The following RREB1 variants were observed in gnomAD, a reference collection of about 807,000 sequenced individuals.
RREB1 encodes the protein ras-responsive element-binding protein 1.
In RREB1, 27 loss-of-function variants were observed where a neutral mutation model predicts 117.8. The observed-to-expected ratio is 0.23, with a 90% confidence interval of 0.17 to 0.32. RREB1 has a LOEUF of 0.32. Among genes scored for constraint, RREB1 ranks in the 10% least tolerant of loss-of-function variants. RREB1 has a pLI of 1.00. For missense variants in RREB1, 2,577 were observed against 2,378.2 expected (o/e 1.08, Z -1.74); for synonymous variants, 1,298 against 1,026.7 (o/e 1.26, Z -5.05).
At chr6:7,226,418 T>C (rs1165904585) in intron 8 of RREB1, 49 bp from the exon 9 acceptor site, 2 of 1,425,906 alleles carry the variant, frequency 1.4e-6, no homozygotes, top group Admixed American at 4.2e-5. Context: ...AACTGCTTCC[T>C]CATATGCTCT....
intron 1 of RREB1, among the ~76,000 whole-genome samples, chr6:7,151,026 C>T (rs1002764440): frequency 3.3e-5 from 5 of 152,134 alleles, no homozygotes; most frequent in Admixed American, 6.5e-5. Flanking sequence ...CTCATCCGTG[C>T]GGCTGGAGGC....
At chr6:7,211,458 T>A (rs1766599458) in intron 7 of RREB1, 115 bp from the exon 8 acceptor site, 1 of 920,336 alleles carries the variant, frequency 1.1e-6, no homozygotes, top group East Asian at 2.4e-5. Context: ...CAGGATTGGA[T>A]AATGCAACCC....
At chr6:7,118,429 G>A (rs1377485149) in intron 1 of RREB1, among the ~76,000 whole-genome samples, 1 of 152,030 alleles carries the variant, frequency 6.6e-6, no homozygotes, top group East Asian at 1.9e-4. Flanking sequence ...CCAGAAAATA[G>A]GTTATTTTAA....
At chr6:7,209,752 A>G (rs1766480343) in intron 6 of RREB1, among the ~76,000 whole-genome samples, 2 of 152,124 alleles carry the variant, frequency 1.3e-5, no homozygotes. Context: ...GTACAGCTAA[A>G]AAGAGAGCAG....
intron 1 of RREB1, among the ~76,000 whole-genome samples, chr6:7,126,609 G>A (rs1761945377): frequency 6.6e-6 from 1 of 152,194 alleles, no homozygotes; most frequent in Non-Finnish European, 1.5e-5. Context: ...CGTCTTGTGT[G>A]CTACCAGCTC....
chr6:7,151,917 A>G (rs963609982), intron 1 of RREB1, among the ~76,000 whole-genome samples: 20 of 152,248 alleles, frequency 1.3e-4, no homozygotes, highest in Admixed American at 1.2e-3. Flanking sequence ...GAACAGGACT[A>G]TGGGGGAGAA....
At chr6:7,150,672 A>C (rs1763077630) in intron 1 of RREB1, among the ~76,000 whole-genome samples, 1 of 152,228 alleles carries the variant, frequency 6.6e-6, no homozygotes, top group Non-Finnish European at 1.5e-5. Context: ...ATGGAAAAGT[A>C]AGAAAAACCA....
chr6:7,127,833 C>G (rs901571144), intron 1 of RREB1, among the ~76,000 whole-genome samples: 6 of 152,114 alleles, frequency 3.9e-5, no homozygotes, highest in Non-Finnish European at 8.8e-5. Flanking sequence ...GTGCCCTCAT[C>G]TGGGTCACGA....
intron 2 of RREB1, among the ~76,000 whole-genome samples, chr6:7,177,879 C>G (rs949767573): frequency 6.6e-6 from 1 of 152,096 alleles, no homozygotes; most frequent in Non-Finnish European, 1.5e-5. Context: ...TGTGCCACCA[C>G]GCCCAGCTAA....
chr6:7,234,048 A>G (rs1768159601), intron 10 of RREB1, among the ~76,000 whole-genome samples: 2 of 152,186 alleles, frequency 1.3e-5, no homozygotes, highest in Admixed American at 1.3e-4. Flanking sequence ...GTGCCTATCC[A>G]GGGAGGACTC....
intron 11 of RREB1, among the ~76,000 whole-genome samples, chr6:7,244,173 G>A (rs1320137999): frequency 1.3e-5 from 2 of 151,448 alleles, no homozygotes; most frequent in Admixed American, 6.6e-5. Context: ...TGAGACAGGA[G>A]AATCGCCTGA....
intron 1 of RREB1, among the ~76,000 whole-genome samples, chr6:7,176,137 G>T (rs1006768894): frequency 1.3e-5 from 2 of 152,142 alleles, no homozygotes; most frequent in Admixed American, 1.3e-4. Flanking sequence ...GGCTGGTCTC[G>T]AACTCCTGAG....
chr6:7,182,001 C>T lies in RREB1; in HGVS notation c.90C>T (p.Val30=), dbSNP rs779363719. ...CGGCGGTCATGAGTGTAGGGAAGGT[C>T]ACAGAGAATGGCGGGAGCCCCCAGG... ...MMSAVMSVGK[V]TENGGSPQGI... Residue 30 remains valine, a synonymous_variant, in exon 4 of 13, where the codon GTC becomes GTT. Transcript: ENST00000379938. 4 of 1,613,884 alleles carry T rather than the reference C, an allele frequency of 2.5e-6. No individual in the cohort carries two copies. The highest frequency in any genetic ancestry group is 1.3e-5 in the African/African-American group (1 of 74,966).
chr6:7,143,707 G>A (rs1040929845), intron 1 of RREB1, among the ~76,000 whole-genome samples: 3 of 152,158 alleles, frequency 2.0e-5, no homozygotes, highest in African/African-American at 4.8e-5. Context: ...TTCGGGTGCA[G>A]ACTTTACAGC....
In RREB1 at chr6:7,230,427, C is replaced by T. The variant is rs2113112836; in HGVS notation, c.2328C>T (p.Cys776=). The T allele has an allele frequency of 2.5e-6, 4 of 1,590,264 alleles. No homozygotes were observed. Among genetic ancestry groups the T allele is most frequent in the South Asian group, 1.1e-5 (1 of 90,206 alleles). ...TGCGCATCCACATGCGCACGCACTG[C>T]GGCCGCGGCCTGGGCGGGGGCCACA... ...RALRIHMRTH[C]GRGLGGGHKG... is the part of the protein sequence containing the mutation. Residue 776 remains cysteine, a synonymous_variant, in exon 10 of 13, where the codon TGC becomes TGT. Coordinates refer to ENST00000379938, the MANE Select transcript of RREB1 (RefSeq NM_001003699.4).
At chr6:7,152,750 C>T (rs1305109460) in intron 1 of RREB1, among the ~76,000 whole-genome samples, 4 of 152,204 alleles carry the variant, frequency 2.6e-5, no homozygotes, top group Non-Finnish European at 4.4e-5. Flanking sequence ...GCAGAAGTCA[C>T]TGAGCTCCTT....
chr6:7,152,008 C>T (rs947291600), intron 1 of RREB1, among the ~76,000 whole-genome samples: 13 of 152,214 alleles, frequency 8.5e-5, no homozygotes, highest in African/African-American at 3.1e-4. Flanking sequence ...TGGATATTCT[C>T]ACTATATTTC....
chr6:7,109,110 CCGCCGCCCAGCTGTGGAG>C (rs1171806323), intron 1 of RREB1, among the ~76,000 whole-genome samples: 1 of 151,696 alleles, frequency 6.6e-6, no homozygotes, highest in Non-Finnish European at 1.5e-5. Flanking sequence ...GGGGCCCGCT[CCGCCGCCCAGCTGTGGAG>C]CGCGCTCGGA....
At chr6:7,140,827 G>T (rs975167434) in intron 1 of RREB1, 1 of 152,408 alleles carries the variant, frequency 6.6e-6, no homozygotes, top group African/African-American at 2.4e-5. Context: ...GCACGCGCCA[G>T]GCTTCGTGTG....
Sources: gnomAD v4.1 joint callset for allele counts (sites outside exome capture counted in the v4.1 genomes callset) on GRCh38, gnomAD v4.1.1 for gene constraint, MANE v1.5 for transcripts, NCBI Gene and HGNC (gene_info 2026-07-23, HGNC 2026-07-21) for gene names.